The following NF1 variants were observed in gnomAD, a reference collection of about 807,000 sequenced individuals.
NF1 encodes the protein neurofibromin 1.
Under a neutral mutation model 325.7 loss-of-function variants are expected in NF1, and 122 were observed. That is an observed-to-expected ratio of 0.37 (90% CI 0.32 to 0.44). NF1 has a LOEUF of 0.44. NF1 is among the 20% of genes least tolerant of loss of function. The pLI is 1.00. For missense variants in NF1, 2,140 were observed against 3,415.4 expected, an observed-to-expected ratio of 0.63 and a Z score of 9.31; for synonymous variants, 1,091 against 1,186.0, an observed-to-expected ratio of 0.92 and a Z score of 1.65.
intron 14 of NF1, among the ~76,000 whole-genome samples, chr17:31,220,003 T>C (rs555326509): frequency 6.6e-6 from 1 of 152,312 alleles, no homozygotes; most frequent in South Asian, 2.1e-4. Flanking sequence ...TTACAAATAA[T>C]GCTGCTATGA....
At chr17:31,173,597 TA>T (rs61130426) in intron 5 of NF1, among the ~76,000 whole-genome samples, 97,215 of 140,098 alleles carry the variant, frequency 0.69, 33,158 homozygotes, top group Middle Eastern at 0.82. Context: ...AAACTCCATC[TA>T]AAAAAAAAAA....
intron 50 of NF1, among the ~76,000 whole-genome samples, chr17:31,351,551 G>T (rs1273639068): frequency 1.3e-5 from 2 of 152,094 alleles, no homozygotes; most frequent in Non-Finnish European, 2.9e-5. Flanking sequence ...CGAGTAGCTG[G>T]GATTACAGGC....
intron 36 of NF1, among the ~76,000 whole-genome samples, chr17:31,324,858 A>G (rs1315825856): frequency 1.3e-5 from 2 of 152,190 alleles, no homozygotes; most frequent in African/African-American, 4.8e-5. Flanking sequence ...CACTGTGCCC[A>G]GCCCTGATTA....
chr17:31,338,169 T>G (rs1369151533), intron 45 of NF1, 30 bp downstream of exon 45: 1 of 1,442,872 alleles, frequency 6.9e-7, no homozygotes, highest in South Asian at 1.1e-5. Flanking sequence ...TTCTCCCAAA[T>G]ATTTATGGTT....
Position 31,376,727 on chromosome 17 carries a change from G to T in NF1, c.*2572G>T. 4.3e-6 allele frequency: 1 copy of T among 233,052 alleles called. No individual in the cohort carries two copies. The highest frequency in any genetic ancestry group is 8.5e-6 in the Non-Finnish European group (1 of 117,938). The allele number at this position is 233,052 out of a possible 1,614,324, so 14.4% of individuals were successfully genotyped here. On this transcript the variant is annotated 3_prime_UTR_variant, in exon 58 of 58. Coordinates refer to ENST00000358273, the MANE Select transcript of NF1 (RefSeq NM_001042492.3). ...AAAAATATTATAAGTAATTCGTTTC[G>T]GTTTGTAGATGTTTCCCCTGACTTG... is the stretch of plus-strand genomic sequence containing the variant.
At chr17:31,338,372 TA>T (rs1395141303) in intron 45 of NF1, among the ~76,000 whole-genome samples, 1 of 152,212 alleles carries the variant, frequency 6.6e-6, no homozygotes, top group Non-Finnish European at 1.5e-5. Flanking sequence ...AAGATGTCTT[TA>T]AAATAAAATA....
chr17:31,138,775 G>T (rs1362190304), intron 1 of NF1, among the ~76,000 whole-genome samples: 1 of 151,106 alleles, frequency 6.6e-6, no homozygotes, highest in Non-Finnish European at 1.5e-5. Context: ...GTAGAGACGG[G>T]GTTTCACCGT....
At chr17:31,156,652 T>G (rs983964501) in intron 2 of NF1, among the ~76,000 whole-genome samples, 13 of 152,360 alleles carry the variant, frequency 8.5e-5, no homozygotes, top group African/African-American at 2.2e-4. Flanking sequence ...GTAGTTACCC[T>G]GTTGTTGAAA....
chr17:31,125,855 T>G (rs897840631), intron 1 of NF1, among the ~76,000 whole-genome samples: 27 of 152,320 alleles, frequency 1.8e-4, no homozygotes, highest in Middle Eastern at 3.4e-3. Flanking sequence ...TTTTTTAAAG[T>G]GATTGAATCA....
At chr17:31,366,832 T>A (rs1021747164) in intron 57 of NF1, among the ~76,000 whole-genome samples, 2 of 152,374 alleles carry the variant, frequency 1.3e-5, no homozygotes, top group East Asian at 3.9e-4. Flanking sequence ...GAATTGTTTA[T>A]GGTATTACCT....
At chr17:31,295,430 G>T in intron 36 of NF1, 2 of 1,614,096 alleles carry the variant, frequency 1.2e-6, no homozygotes, top group Non-Finnish European at 1.7e-6. Flanking sequence ...GGGTATTTTG[G>T]TCACTTTGGG....
At chr17:31,286,295 C>T (rs1238515810) in intron 36 of NF1, among the ~76,000 whole-genome samples, 1 of 152,012 alleles carries the variant, frequency 6.6e-6, no homozygotes, top group Non-Finnish European at 1.5e-5. Flanking sequence ...GGGTTTTGCT[C>T]TGTTGGCCAG....
chr17:31,206,416 A>T (rs1220692413), intron 12 of NF1, 45 bp downstream of exon 12: 2 of 1,607,324 alleles, frequency 1.2e-6, no homozygotes, highest in Non-Finnish European at 1.7e-6. Flanking sequence ...TTTCTATTGC[A>T]TTTTTTTTAG....
chr17:31,201,375 T>C lies in NF1; in HGVS notation c.1186-36T>C, dbSNP rs749297416. The C allele has an allele frequency of 3.2e-6, 5 of 1,571,844 alleles. No homozygotes were observed. In the African/African-American group the frequency reaches 4.1e-5, roughly 13 times the overall value. On this transcript the variant is annotated intron_variant, in intron 10 of 57. Coordinates refer to ENST00000358273, the MANE Select transcript of NF1 (RefSeq NM_001042492.3). ...TTTGTATTACTGAGTATTTTTCTCA[T>C]AGAAATAATCTGCTTTTTTTTTTCT... is the stretch of plus-strand genomic sequence containing the variant.
intron 1 of NF1, among the ~76,000 whole-genome samples, chr17:31,105,158 C>G (rs1327780305): frequency 6.6e-6 from 1 of 152,164 alleles, no homozygotes; most frequent in Non-Finnish European, 1.5e-5. Context: ...CCTGGCTTCC[C>G]AAAGCACTGG....
intron 36 of NF1, chr17:31,295,885 C>T: frequency 6.2e-7 from 1 of 1,614,130 alleles, no homozygotes; most frequent in Admixed American, 1.7e-5. Flanking sequence ...GGTTGAGAAC[C>T]TCGAGACTTC....
chr17:31,204,814 T>C (rs2066591916), intron 11 of NF1, among the ~76,000 whole-genome samples: 1 of 152,162 alleles, frequency 6.6e-6, no homozygotes, highest in Non-Finnish European at 1.5e-5. Context: ...ATTATTCAGC[T>C]TTTTGTTACT....
chr17:31,232,313 TTTTTA>T, intron 25 of NF1, 124 bp downstream of exon 25: 4 of 701,990 alleles, frequency 5.7e-6, no homozygotes, highest in Non-Finnish European at 1.0e-5. Context: ...TTTTGTGATT[TTTTTA>T]AAGAAAGTAA....
chr17:31,146,405 GTCTGTCCA>G (rs1336130314), intron 1 of NF1, among the ~76,000 whole-genome samples: 6 of 144,106 alleles, frequency 4.2e-5, no homozygotes, highest in Admixed American at 2.1e-4. Context: ...TATCTAATCT[GTCTGTCCA>G]TCCATCCATC....
Sources: gnomAD v4.1 joint callset for allele counts (sites outside exome capture counted in the v4.1 genomes callset) on GRCh38, gnomAD v4.1.1 for gene constraint, MANE v1.5 for transcripts, NCBI Gene and HGNC (gene_info 2026-07-23, HGNC 2026-07-21) for gene names.